The following MYH15 variants were observed in gnomAD, a reference collection of about 807,000 sequenced individuals.
The protein encoded by MYH15 is myosin-15.
A neutral mutation model predicts 240.5 loss-of-function variants in MYH15; 227 were observed. That is an observed-to-expected ratio of 0.94 (90% CI 0.85 to 1.05). MYH15 has a LOEUF of 1.05. Ranked by LOEUF, MYH15 falls within the 50% of genes least tolerant of loss-of-function variation. The pLI is 0.00. For missense variants in MYH15, 2,217 were observed against 2,247.5 expected (o/e 0.99, Z 0.27); for synonymous variants, 785 against 796.7 (o/e 0.99, Z 0.25).
At chr3:108,381,673 C>A (rs1038141565) in intron 40 of MYH15, 114 bp from the exon 41 acceptor site, 25 of 1,102,954 alleles carry the variant, frequency 2.3e-5, no homozygotes, top group Non-Finnish European at 3.3e-5. Context: ...TTAGCCAACT[C>A]TTCATTAACT....
At chr3:108,511,458 C>T (rs2083522182), upstream of MYH15, among the ~76,000 whole-genome samples, 2 of 152,148 alleles carry the variant, frequency 1.3e-5, no homozygotes, top group South Asian at 4.1e-4. Flanking sequence ...GACTAAGTTG[C>T]TGGACAAATT....
At chr3:108,529,917 G>C (rs2083700791), upstream of MYH15, among the ~76,000 whole-genome samples, 1 of 152,180 alleles carries the variant, frequency 6.6e-6, no homozygotes, top group African/African-American at 2.4e-5. Context: ...GGATAGGAGA[G>C]AGCTGCTCAG....
intron 1 of MYH15, among the ~76,000 whole-genome samples, chr3:108,515,798 A>G (rs1019630196): frequency 1.3e-5 from 2 of 152,210 alleles, no homozygotes; most frequent in Non-Finnish European, 2.9e-5. Context: ...CAAATTGCTT[A>G]TTGAATCTGA....
intron 9 of MYH15, among the ~76,000 whole-genome samples, chr3:108,492,181 G>A (rs1052669816): frequency 6.9e-5 from 10 of 144,382 alleles, no homozygotes; most frequent in African/African-American, 2.6e-4. Flanking sequence ...TCTAATTAAG[G>A]CCTTAAATTA....
the MYH15 span, among the ~76,000 whole-genome samples, chr3:108,546,305 T>C: frequency 8.5e-5 from 13 of 152,260 alleles, no homozygotes; most frequent in African/African-American, 3.1e-4. Context: ...TTATTTGAAG[T>C]TTGAGAAAAG....
At chr3:108,519,490 C>T (rs2083600228) in intron 1 of MYH15, among the ~76,000 whole-genome samples, 1 of 152,014 alleles carries the variant, frequency 6.6e-6, no homozygotes. Context: ...CTCACATTCA[C>T]CAACCAATAA....
At chr3:108,526,917 T>C (rs1315082536) in intron 1 of MYH15, among the ~76,000 whole-genome samples, 3 of 152,190 alleles carry the variant, frequency 2.0e-5, no homozygotes, top group African/African-American at 7.2e-5. Context: ...TTAAAATTTA[T>C]TTACATTTAT....
At chr3:108,529,289 A>T in exon 1 of MYH15, 2 of 1,588,312 alleles carry the variant, frequency 1.3e-6, no homozygotes, top group Non-Finnish European at 1.7e-6. Flanking sequence ...AGATGAGGTA[A>T]ATACAATTAA....
chr3:108,385,229 G>A (rs58773746), intron 38 of MYH15, among the ~76,000 whole-genome samples: 2 of 152,166 alleles, frequency 1.3e-5, no homozygotes, highest in Non-Finnish European at 2.9e-5. Flanking sequence ...CAGGAATGAA[G>A]TGCATTATTA....
chr3:108,517,495 GC>G (rs1395392957), intron 1 of MYH15, among the ~76,000 whole-genome samples: 1 of 152,080 alleles, frequency 6.6e-6, no homozygotes. Flanking sequence ...ACCATGAATG[GC>G]TAATTTTTGT....
chr3:108,538,752 T>C, the MYH15 span, among the ~76,000 whole-genome samples: 5 of 152,286 alleles, frequency 3.3e-5, no homozygotes, highest in Admixed American at 1.3e-4. Context: ...CTGGTTGAGG[T>C]GTCTTAGTCT....
upstream of MYH15, among the ~76,000 whole-genome samples, chr3:108,532,342 A>T (rs1037917766): frequency 6.6e-6 from 1 of 152,118 alleles, no homozygotes; most frequent in African/African-American, 2.4e-5. Context: ...TAGGACAAAA[A>T]GGCTGACCTC....
intron 27 of MYH15, among the ~76,000 whole-genome samples, chr3:108,424,289 A>G (rs936808456): frequency 6.6e-5 from 10 of 152,262 alleles, no homozygotes; most frequent in Admixed American, 5.9e-4. Context: ...TTCACATGGT[A>G]GGTATCCACA....
At chr3:108,503,353 A>T (rs1240721365) in intron 2 of MYH15, among the ~76,000 whole-genome samples, 4 of 152,230 alleles carry the variant, frequency 2.6e-5, no homozygotes, top group African/African-American at 9.6e-5. Context: ...GGTCATCATT[A>T]AGAAAATGAA....
upstream of MYH15, among the ~76,000 whole-genome samples, chr3:108,534,249 CATA>C (rs2107283863): frequency 6.6e-6 from 1 of 152,224 alleles, no homozygotes; most frequent in African/African-American, 2.4e-5. Context: ...ACTCCAATTG[CATA>C]TTATAATAAA....
At chr3:108,450,120 GT>G (rs1229096547) in intron 21 of MYH15, among the ~76,000 whole-genome samples, 13 of 152,112 alleles carry the variant, frequency 8.5e-5, no homozygotes, top group African/African-American at 2.9e-4. Flanking sequence ...ATGTAAATTG[GT>G]ACAGCCATTA....
chr3:108,539,523 C>A, the MYH15 span, among the ~76,000 whole-genome samples: 1 of 151,994 alleles, frequency 6.6e-6, no homozygotes, highest in Admixed American at 6.6e-5. Context: ...AGATCTAATA[C>A]CTGGTTATTT....
intron 27 of MYH15, among the ~76,000 whole-genome samples, chr3:108,426,166 C>G (rs542277985): frequency 6.7e-6 from 1 of 149,022 alleles, no homozygotes; most frequent in Admixed American, 6.7e-5. Flanking sequence ...AGAAAATTCT[C>G]AGCCTGGCCA....
intron 10 of MYH15, among the ~76,000 whole-genome samples, chr3:108,485,833 A>C (rs377597444): frequency 1.3e-5 from 2 of 152,258 alleles, no homozygotes; most frequent in African/African-American, 4.8e-5. Flanking sequence ...TTTCACTTCT[A>C]GGAATCTAGC....
Sources: allele counts gnomAD v4.1 joint callset (sites outside exome capture counted in the v4.1 genomes callset), GRCh38; gene constraint gnomAD v4.1.1; transcripts MANE v1.5; gene names NCBI Gene and HGNC (gene_info 2026-07-23, HGNC 2026-07-21).